Variants in TSBP1 observed in about 807,000 individuals in gnomAD.
The protein encoded by TSBP1 is testis expressed basic protein 1, also known as testis-expressed basic protein 1.
Under a neutral mutation model 68.8 loss-of-function variants are expected in TSBP1, and 56 were observed. That is an observed-to-expected ratio of 0.81 (90% CI 0.66 to 1.02). TSBP1 has a LOEUF of 1.02. TSBP1 is among the 50% of genes least tolerant of loss of function. The pLI is 0.00. For missense variants in TSBP1, 502 were observed against 641.2 expected (o/e 0.78, Z 2.34); for synonymous variants, 171 against 208.7 (o/e 0.82, Z 1.56).
In TSBP1 at chr6:32,325,136, A is replaced by G; in HGVS notation, c.515-1522T>C. ...ATGCGAGTCAGTGAATGTTCTAGAAACTTATTAATAATTTATTTATGCCTT... is the reference window on the plus strand; with the variant it reads ...ATGCGAGTCAGTGAATGTTCTAGAAGCTTATTAATAATTTATTTATGCCTT... On this transcript the variant is annotated intron_variant, in intron 16 of 22. Coordinates refer to ENST00000612031, the Ensembl canonical transcript of TSBP1. The surrounding 1 kb of genome is among the most constrained non-coding windows in gnomAD (Gnocchi z 4.4). The G allele has an allele frequency of 2.1e-6, 1 of 481,978 alleles. No individual in the cohort carries two copies. The highest frequency in any genetic ancestry group is 3.6e-6 in the Non-Finnish European group (1 of 276,028). The allele number at this position is 481,978 out of a possible 1,614,324, so 29.9% of individuals were successfully genotyped here. A position where few individuals can be genotyped will look rare whatever the true frequency, so the allele number is the denominator to read the frequency against.
chr6:32,310,762 T>TATATATATATATATATA (rs1554188790), intron 19 of TSBP1, among the ~76,000 whole-genome samples: 25 of 95,448 alleles, frequency 2.6e-4, no homozygotes, highest in African/African-American at 9.4e-4. Flanking sequence ...TATATATATA[T>TATATATATATATATATA]TTTTAATCTT....
At position 32,316,217 on chromosome 6, in the gene TSBP1, C is replaced by G. The variant is rs535616652; in HGVS notation, c.560-425G>C. 2.6e-5 allele frequency among the ~76,000 whole-genome samples: 4 copies of G among 152,258 alleles called. No homozygotes were observed. Among genetic ancestry groups the G allele is most frequent in the East Asian group, 1.9e-4 (1 of 5,184 alleles). Reference sequence around the variant, plus strand: ...TTTCATAATATTGTTCAGTTTATTACTGATGAATCCTAGCTTAGTCCCTCT... The same window carrying G: ...TTTCATAATATTGTTCAGTTTATTAGTGATGAATCCTAGCTTAGTCCCTCT... On this transcript the variant is annotated intron_variant, in intron 18 of 22. Transcript: ENST00000612031. The surrounding 1 kb of genome is among the most constrained non-coding windows in gnomAD (Gnocchi z 4.5).
intron 22 of TSBP1, among the ~76,000 whole-genome samples, chr6:32,295,374 G>C (rs1189784230): frequency 8.3e-6 from 1 of 120,754 alleles, no homozygotes; most frequent in East Asian, 2.5e-4. Context: ...AAAAAAAGAA[G>C]ACCTAGGTTT....
At chr6:32,371,659 G>C (rs1241718104) in intron 1 of TSBP1, 35 bp downstream of exon 1, 1 of 1,529,048 alleles carries the variant, frequency 6.5e-7, no homozygotes, top group Admixed American at 1.7e-5. Context: ...AACTACTAGA[G>C]TTGAGGAAGC....
At chr6:32,313,241 A>G (rs1379588532) in intron 19 of TSBP1, among the ~76,000 whole-genome samples, 1 of 151,766 alleles carries the variant, frequency 6.6e-6, no homozygotes, top group Non-Finnish European at 1.5e-5. Context: ...ATTTTTCTAC[A>G]TGAATTTATC....
At chr6:32,312,200 GA>G (rs1198614281) in intron 19 of TSBP1, among the ~76,000 whole-genome samples, 1 of 152,202 alleles carries the variant, frequency 6.6e-6, no homozygotes, top group African/African-American at 2.4e-5. Flanking sequence ...GTCTGCTCTA[GA>G]TGACATCAAA....
chr6:32,355,156 A>G lies in TSBP1; in HGVS notation c.239-12T>C, dbSNP rs1191518781. 2 of 1,611,752 alleles carry G rather than the reference A, an allele frequency of 1.2e-6. No individual in the cohort carries two copies. Among genetic ancestry groups the G allele is most frequent in the Non-Finnish European group, 1.7e-6 (2 of 1,179,152 alleles). ...GTTGGTTGATGGTGCTAAAATACAC[A>G]CACAGAAAACATGAGGTGAATCATG... On this transcript the variant is annotated splice_polypyrimidine_tract_variant and intron_variant, in intron 7 of 22. Transcript: ENST00000612031.
At position 32,316,864 on chromosome 6, in the gene TSBP1, C is replaced by T. The variant is rs1039127649; in HGVS notation, c.560-1072G>A. ...CTGTAATCCCAGCACTTTGGGAGGTCGAGGCAGGCGGATCACGAGGTCAGG... is the reference window on the plus strand; with the variant it reads ...CTGTAATCCCAGCACTTTGGGAGGTTGAGGCAGGCGGATCACGAGGTCAGG... On this transcript the variant is annotated intron_variant, in intron 18 of 22. Transcript: ENST00000612031. The surrounding 1 kb of genome is among the most constrained non-coding windows in gnomAD (Gnocchi z 4.5). 4.0e-5 allele frequency among the ~76,000 whole-genome samples: 6 copies of T among 151,834 alleles called. No homozygotes were observed. Among genetic ancestry groups the T allele is most frequent in the African/African-American group, 1.5e-4 (6 of 41,288 alleles).
intron 22 of TSBP1, among the ~76,000 whole-genome samples, chr6:32,295,871 T>A (rs1052577774): frequency 1.9e-4 from 29 of 149,874 alleles, no homozygotes; most frequent in Admixed American, 3.3e-4. Context: ...TGAGATGGAG[T>A]TTCGCTCTTG....
Position 32,325,165 on chromosome 6 carries a change from G to T in TSBP1, c.515-1551C>A. 1 of 530,868 alleles carries T rather than the reference G, an allele frequency of 1.9e-6. No homozygotes were observed. Among genetic ancestry groups the T allele is most frequent in the Non-Finnish European group, 3.3e-6 (1 of 302,060 alleles). The allele number at this position is 530,868 out of a possible 1,614,324, so 32.9% of individuals were successfully genotyped here. A position where few individuals can be genotyped will look rare whatever the true frequency, so the allele number is the denominator to read the frequency against. On this transcript the variant is annotated intron_variant, in intron 16 of 22. Coordinates refer to ENST00000612031, the Ensembl canonical transcript of TSBP1. The surrounding 1 kb of genome is among the most constrained non-coding windows in gnomAD (Gnocchi z 4.4). ...ATTAATAATTTATTTATGCCTTTCT[G>T]CCCATGGATGCCATGGAAGAAGCAT...
chr6:32,319,149 GAATA>G (rs1767319907), intron 18 of TSBP1, among the ~76,000 whole-genome samples: 1 of 151,604 alleles, frequency 6.6e-6, no homozygotes, highest in Non-Finnish European at 1.5e-5. Flanking sequence ...CTACCTAAAT[GAATA>G]AATAGTCTCA....
chr6:32,293,489 T>C lies in TSBP1; in HGVS notation c.1184A>G (p.Glu395Gly), dbSNP rs753132868. ...TGACTCCCTCTTCTTTACCTGGGCT[T>C]CCTGTCCCTTTGAGACACCAGACTG... The change falls in exon 23 of 23, where the codon GAA (glutamate) becomes GGA (glycine). Residue 395 changes from glutamate to glycine, a missense_variant. Glu to Gly is a moderately conservative substitution (Grantham distance 98). Transcript: ENST00000612031. 14 of 1,610,892 alleles carry C rather than the reference T, an allele frequency of 8.7e-6. No individual in the cohort carries two copies. The African/African-American group carries it at 1.9e-4, about 22-fold the overall frequency.
Position 32,336,421 on chromosome 6 carries a change from A to G in TSBP1, c.430+194T>C, listed in dbSNP as rs886903198. ...AGGAATGCCAGGGGAGTTGAGAAAG[A>G]CAGTGTTAAAAAAGCAAGTCACCCC... On this transcript the variant is annotated intron_variant, in intron 12 of 22. Coordinates refer to ENST00000612031, the Ensembl canonical transcript of TSBP1. This position sits in a 1 kb window ranked among gnomAD's most constrained non-coding sequence, Gnocchi z 5.2. 2.0e-5 allele frequency among the ~76,000 whole-genome samples: 3 copies of G among 152,214 alleles called. No homozygotes were observed. Among genetic ancestry groups the G allele is most frequent in the Non-Finnish European group, 4.4e-5 (3 of 68,038 alleles).
intron 22 of TSBP1, 128 bp from the exon 26 acceptor site, chr6:32,294,163 G>T (rs146647793): frequency 1.9e-6 from 2 of 1,037,562 alleles, no homozygotes; most frequent in African/African-American, 3.1e-5. Flanking sequence ...TGAATCTCAA[G>T]TTATCTAAAA....
Position 32,343,274 on chromosome 6 carries a change from A to C in TSBP1, c.350-3636T>G, listed in dbSNP as rs770754352. On this transcript the variant is annotated intron_variant, in intron 9 of 22. Coordinates refer to ENST00000612031, the Ensembl canonical transcript of TSBP1. The surrounding 1 kb of genome is among the most constrained non-coding windows in gnomAD (Gnocchi z 4.3). The stretch of plus-strand genomic sequence containing the variant: ...TGAGGTAAAGCTAAAGAACAATAAC[A>C]ATTATTCAAGTCAGTCTAAAGTTTC... 4.4e-6 allele frequency: 6 copies of C among 1,372,402 alleles called. No homozygotes were observed. The South Asian group carries it at 7.3e-5, about 17-fold the overall frequency. 85.0% of individuals were successfully genotyped at this position (1,372,402 alleles called of 1,614,324 possible).
rs1475003334 is a variant in TSBP1, at chr6:32,338,604, G to C, written c.409+375C>G. 6.6e-6 allele frequency among the ~76,000 whole-genome samples: 1 copy of C among 152,120 alleles called. No individual in the cohort carries two copies. Among genetic ancestry groups the C allele is most frequent in the Non-Finnish European group, 1.5e-5 (1 of 68,024 alleles). ...TGACAGTCTGGGATCCTCGGTCAGT[G>C]AGCTGGGACTCACTGCATGTCACTG... On this transcript the variant is annotated intron_variant, in intron 11 of 22. Coordinates refer to ENST00000612031, the Ensembl canonical transcript of TSBP1. The surrounding 1 kb of genome is among the most constrained non-coding windows in gnomAD (Gnocchi z 5.5).
chr6:32,344,276 C>A (rs1233766549), intron 9 of TSBP1, among the ~76,000 whole-genome samples: 14 of 9,678 alleles, frequency 1.4e-3, no homozygotes. Context: ...CCCCCACCCT[C>A]CACCCCACAA....
rs1225860531 is a variant in TSBP1, at chr6:32,304,443, C to CA, written c.581-1815dup. Among the ~76,000 whole-genome samples the CA allele has an allele frequency of 4.6e-5, 7 of 152,076 alleles. No individual in the cohort carries two copies. The highest frequency in any genetic ancestry group is 8.8e-5 in the Non-Finnish European group (6 of 68,038). On this transcript the variant is annotated intron_variant, in intron 19 of 22. Coordinates refer to ENST00000612031, the Ensembl canonical transcript of TSBP1. This position sits in a 1 kb window ranked among gnomAD's most constrained non-coding sequence, Gnocchi z 4.8. The stretch of plus-strand genomic sequence containing the variant: ...CACCAGAAAACAGACCTTTGGGAAA[C>CA]ATTAAATCTTCTAGGAATATGCTAT...
chr6:32,295,131 T>C (rs529899946), intron 22 of TSBP1, among the ~76,000 whole-genome samples: 58 of 151,894 alleles, frequency 3.8e-4, no homozygotes, highest in Admixed American at 5.9e-4. Flanking sequence ...AGGTTGGGAG[T>C]TGGAGACCAG....
Sources: gnomAD v4.1 joint callset for allele counts (sites outside exome capture counted in the v4.1 genomes callset) on GRCh38, gnomAD v4.1.1 for gene constraint, Gnocchi (gnomAD v3.1) non-coding constraint, MANE v1.5 for transcripts, NCBI Gene and HGNC (gene_info 2026-07-23, HGNC 2026-07-21) for gene names.